PRR16: variants seen among roughly 807,000 people sequenced by gnomAD.
PRR16 encodes the protein proline rich 16.
PRR16 carries 6 observed loss-of-function variants against 18.2 expected under a neutral mutation model. That is an observed-to-expected ratio of 0.33 (90% CI 0.18 to 0.65). The LOEUF (loss-of-function observed/expected upper bound fraction) is 0.65, where lower values mean the gene tolerates loss of function less well. Among genes scored for constraint, PRR16 ranks in the 30% least tolerant of loss-of-function variants. The pLI, the probability that PRR16 is intolerant of heterozygous loss-of-function variation, is 0.74. For missense variants in PRR16, 412 were observed against 376.6 expected (o/e 1.09, Z -0.78); for synonymous variants, 151 against 147.8 (o/e 1.02, Z -0.16).
At chr5:120,763,633 T>G in the PRR16 span, among the ~76,000 whole-genome samples, 12 of 152,254 alleles carry the variant, frequency 7.9e-5, no homozygotes, top group East Asian at 2.3e-3. Flanking sequence ...AATCTTTAGA[T>G]TGCTTTGAAT....
chr5:120,470,853 C>T (rs1369458791), intron 1 of PRR16, among the ~76,000 whole-genome samples: 1 of 152,130 alleles, frequency 6.6e-6, no homozygotes, highest in Non-Finnish European at 1.5e-5. Flanking sequence ...GCTTCATTGC[C>T]AGGTAGCTTG....
intron 1 of PRR16, among the ~76,000 whole-genome samples, chr5:120,521,059 A>G (rs1200123764): frequency 1.3e-5 from 2 of 152,180 alleles, no homozygotes; most frequent in African/African-American, 4.8e-5. Context: ...CGGTGGATAC[A>G]GTCAATTCTA....
At position 120,466,452 on chromosome 5, in the gene PRR16, C is replaced by G. The variant is rs73783450; in HGVS notation, c.159+1807C>G. 1.0e-2 allele frequency among the ~76,000 whole-genome samples: 1,518 copies of G among 152,314 alleles called. 30 individuals are homozygous for G. Among genetic ancestry groups the G allele is most frequent in the African/African-American group, 0.034 (1,428 of 41,566 alleles). On this transcript the variant is annotated intron_variant, in intron 1 of 1. Transcript: ENST00000407149. ...AAAAGAAAGGTAGTTAAACAGAATTCTGCATCTGTGAGCCATACTTCCTTA... is the reference window on the plus strand; with the variant it reads ...AAAAGAAAGGTAGTTAAACAGAATTGTGCATCTGTGAGCCATACTTCCTTA...
At chr5:120,660,758 T>C (rs1237703521) in intron 1 of PRR16, among the ~76,000 whole-genome samples, 1 of 152,074 alleles carries the variant, frequency 6.6e-6, no homozygotes, top group African/African-American at 2.4e-5. Context: ...CAGTCTTATG[T>C]GTGTTTTTAG....
the PRR16 span, among the ~76,000 whole-genome samples, chr5:120,763,315 T>A: frequency 1.3e-5 from 2 of 151,978 alleles, no homozygotes; most frequent in South Asian, 2.1e-4. Context: ...CTGGCTCTTT[T>A]TTTTGTATTT....
chr5:120,548,414 G>A (rs1752143691), intron 1 of PRR16, among the ~76,000 whole-genome samples: 1 of 151,988 alleles, frequency 6.6e-6, no homozygotes, highest in Non-Finnish European at 1.5e-5. Context: ...CAAATTTTTA[G>A]AACAATCAAT....
intron 1 of PRR16, among the ~76,000 whole-genome samples, chr5:120,634,993 C>G (rs1580812921): frequency 6.6e-6 from 1 of 152,082 alleles, no homozygotes; most frequent in East Asian, 1.9e-4. Context: ...AACATCTTTA[C>G]ATACATAAAC....
chr5:120,736,265 T>C, the PRR16 span, among the ~76,000 whole-genome samples: 2 of 152,202 alleles, frequency 1.3e-5, 1 homozygote, highest in Admixed American at 1.3e-4. Flanking sequence ...CCTCTAACTT[T>C]GCTTTTCTTT....
chr5:120,716,672 C>T, the PRR16 span, among the ~76,000 whole-genome samples: 2 of 152,016 alleles, frequency 1.3e-5, no homozygotes, highest in African/African-American at 4.8e-5. Flanking sequence ...GTCAGGAGTT[C>T]GAGACCAGCC....
At chr5:120,550,340 T>C in intron 1 of PRR16, among the ~76,000 whole-genome samples, 1 of 152,040 alleles carries the variant, frequency 6.6e-6, no homozygotes, top group Admixed American at 6.6e-5. Context: ...GTAACAAATA[T>C]GGAAAAGCCC....
At chr5:120,608,715 C>T (rs1266114977) in intron 1 of PRR16, among the ~76,000 whole-genome samples, 2 of 152,130 alleles carry the variant, frequency 1.3e-5, no homozygotes, top group African/African-American at 4.8e-5. Flanking sequence ...AAGTGTATTG[C>T]AGCAATCATT....
chr5:120,664,400 T>A (rs1756287587), intron 1 of PRR16, among the ~76,000 whole-genome samples: 1 of 151,878 alleles, frequency 6.6e-6, no homozygotes, highest in South Asian at 2.1e-4. Flanking sequence ...CATGGCCATA[T>A]GAGCAGATCT....
the PRR16 span, among the ~76,000 whole-genome samples, chr5:120,755,690 A>G: frequency 6.6e-6 from 1 of 152,108 alleles, no homozygotes; most frequent in Non-Finnish European, 1.5e-5. Context: ...GCTGTGATGA[A>G]CTATGAGTAC....
chr5:120,522,645 G>A (rs578108481), intron 1 of PRR16, among the ~76,000 whole-genome samples: 47 of 152,166 alleles, frequency 3.1e-4, no homozygotes, highest in Admixed American at 1.5e-3. Context: ...TCATTCTGTC[G>A]CCCAGGCTGG....
At chr5:120,783,353 G>T in the PRR16 span, among the ~76,000 whole-genome samples, 1 of 151,894 alleles carries the variant, frequency 6.6e-6, no homozygotes, top group Admixed American at 6.6e-5. Context: ...TCAATCATAG[G>T]TATTTAATTC....
At chr5:120,480,966 C>T (rs997948273) in intron 1 of PRR16, among the ~76,000 whole-genome samples, 19 of 151,812 alleles carry the variant, frequency 1.3e-4, no homozygotes, top group African/African-American at 3.9e-4. Context: ...AGATGAGGTC[C>T]GATTCACTTC....
chr5:120,644,832 T>C (rs77643641), intron 1 of PRR16, among the ~76,000 whole-genome samples: 1,824 of 152,292 alleles, frequency 0.012, 17 homozygotes, highest in South Asian at 0.029. Flanking sequence ...GTACTTCAGT[T>C]GCTTTGTTTT....
At chr5:120,777,182 C>G in the PRR16 span, among the ~76,000 whole-genome samples, 26 of 152,116 alleles carry the variant, frequency 1.7e-4, no homozygotes, top group Admixed American at 1.6e-3. Context: ...AACATATCAT[C>G]AAGTTTAATA....
At chr5:120,771,524 T>C in the PRR16 span, among the ~76,000 whole-genome samples, 1 of 152,158 alleles carries the variant, frequency 6.6e-6, no homozygotes, top group Non-Finnish European at 1.5e-5. Context: ...GAGATGTCTC[T>C]ATGGAAACCT....
Sources: gnomAD v4.1 joint callset for allele counts (sites outside exome capture counted in the v4.1 genomes callset) on GRCh38, gnomAD v4.1.1 for gene constraint, MANE v1.5 for transcripts, NCBI Gene and HGNC (gene_info 2026-07-23, HGNC 2026-07-21) for gene names.